WDFY3: variants seen among roughly 807,000 people sequenced by gnomAD.
The protein encoded by WDFY3 is WD repeat and FYVE domain-containing protein 3.
A neutral mutation model predicts 409.6 loss-of-function variants in WDFY3; 66 were observed. The ratio of observed to expected loss-of-function variants is 0.16; its 90% CI spans 0.13 to 0.20. The LOEUF is 0.20. Ranked by LOEUF, WDFY3 falls within the 10% of genes least tolerant of loss-of-function variation. The pLI is 1.00. For synonymous variants in WDFY3, 1,521 were observed against 1,537.1 expected, an observed-to-expected ratio of 0.99 and a Z score of 0.25; for missense variants, 3,031 against 4,298.1, an observed-to-expected ratio of 0.71 and a Z score of 8.24.
chr4:84,905,468 A>G (rs1766919696), intron 2 of WDFY3, among the ~76,000 whole-genome samples: 1 of 152,032 alleles, frequency 6.6e-6, no homozygotes, highest in Admixed American at 6.6e-5. Context: ...CTCCTCCCCC[A>G]CACTCTTCAT....
At chr4:84,744,849 T>C (rs1739114870) in intron 36 of WDFY3, among the ~76,000 whole-genome samples, 1 of 81,022 alleles carries the variant, frequency 1.2e-5, no homozygotes, top group African/African-American at 5.4e-5. Flanking sequence ...CGAGACTCCG[T>C]CTCAAAAAAA....
intron 2 of WDFY3, among the ~76,000 whole-genome samples, chr4:84,924,224 T>C (rs1338517178): frequency 1.3e-5 from 2 of 152,246 alleles, no homozygotes; most frequent in Non-Finnish European, 2.9e-5. Flanking sequence ...AGCAGATTTC[T>C]GAAAAGTTAT....
chr4:84,818,945 C>A (rs1578665552), intron 12 of WDFY3, among the ~76,000 whole-genome samples: 1 of 152,192 alleles, frequency 6.6e-6, no homozygotes, highest in East Asian at 1.9e-4. Flanking sequence ...ATTTGCTAAG[C>A]AAATTCCTGT....
intron 1 of WDFY3, among the ~76,000 whole-genome samples, chr4:84,954,549 GA>G (rs1306792992): frequency 6.6e-6 from 1 of 152,058 alleles, no homozygotes; most frequent in African/African-American, 2.4e-5. Context: ...ACAGAAAAAA[GA>G]AACATAATAA....
intron 50 of WDFY3, among the ~76,000 whole-genome samples, chr4:84,713,518 G>A (rs1560579922): frequency 6.6e-6 from 1 of 152,182 alleles, no homozygotes; most frequent in Non-Finnish European, 1.5e-5. Flanking sequence ...TGTGAAAGGA[G>A]TTTTGGGTTA....
intron 30 of WDFY3, among the ~76,000 whole-genome samples, chr4:84,767,698 T>C (rs1743922811): frequency 6.6e-6 from 1 of 151,894 alleles, no homozygotes; most frequent in Non-Finnish European, 1.5e-5. Context: ...GACTAAATCA[T>C]CTACAACATT....
chr4:84,731,619 G>A (rs1424583564), intron 44 of WDFY3, among the ~76,000 whole-genome samples: 2 of 152,144 alleles, frequency 1.3e-5, no homozygotes, highest in South Asian at 2.1e-4. Flanking sequence ...ATTTATGAGC[G>A]TGTCTGTTTC....
intron 3 of WDFY3, among the ~76,000 whole-genome samples, chr4:84,874,864 C>T (rs1762559956): frequency 1.3e-5 from 2 of 152,100 alleles, no homozygotes; most frequent in Non-Finnish European, 1.5e-5. Flanking sequence ...CATACAAAAA[C>T]CTAGATGGTT....
chr4:84,716,482 T>C (rs2015631), intron 49 of WDFY3, among the ~76,000 whole-genome samples: 27,292 of 144,916 alleles, frequency 0.19, 4,394 homozygotes, highest in African/African-American at 0.44. Flanking sequence ...AGGGTTTCCA[T>C]GGCATGTATC....
chr4:84,683,912 T>A, intron 63 of WDFY3, 31 bp downstream of exon 63: 1 of 1,553,858 alleles, frequency 6.4e-7, no homozygotes. Context: ...ATGACAAATA[T>A]CCTAATGAGT....
At chr4:84,821,947 C>T (rs1754132541) in intron 10 of WDFY3, among the ~76,000 whole-genome samples, 2 of 152,122 alleles carry the variant, frequency 1.3e-5, no homozygotes, top group South Asian at 4.1e-4. Context: ...GAAGAAGTTA[C>T]AGGCCTGAGA....
chr4:84,943,420 C>T (rs900347516), intron 1 of WDFY3, among the ~76,000 whole-genome samples: 6 of 151,862 alleles, frequency 4.0e-5, no homozygotes, highest in Non-Finnish European at 5.9e-5. Context: ...AGGAGAATGG[C>T]GTGAACCAGG....
At position 84,775,124 on chromosome 4, in the gene WDFY3, T is replaced by A; in HGVS notation, c.4533A>T (p.Ala1511=). 1 of 1,613,294 alleles carries A rather than the reference T, an allele frequency of 6.2e-7. No individual in the cohort carries two copies. The highest frequency in any genetic ancestry group is 8.5e-7 in the Non-Finnish European group (1 of 1,179,832). The change falls in exon 28 of 68, where the codon GCA becomes GCT. Residue 1511 remains alanine (A), a synonymous_variant. Coordinates refer to ENST00000295888, the MANE Select transcript of WDFY3 (RefSeq NM_014991.6). ...ATAAGGAAAGATGAAGTTCATATGG[T>A]GCATGGAGCCAGACCTATAATAAAT... ...LLCDFEVWLH[A]PYELHLSLFE... is the part of the protein sequence containing the mutation.
In WDFY3 at chr4:84,798,213, C is replaced by T; in HGVS notation, c.2823-105G>A. ...TTAATAAATTCCAACAGACTAATTA[C>T]AATAAAAAAATGCAAAGTATAATAA... On this transcript the variant is annotated intron_variant, in intron 17 of 67. Transcript: ENST00000295888. 3.0e-6 allele frequency: 3 copies of T among 999,498 alleles called. No homozygotes were observed. The South Asian group carries it at 5.2e-5, about 17-fold the overall frequency. 61.9% of individuals were successfully genotyped at this position (999,498 alleles called of 1,614,324 possible).
In WDFY3 at chr4:84,669,826, T is replaced by C. The variant is rs1456526993; in HGVS notation, c.*3042A>G. ...TATCTTCAATTTACTTCTGTTGCTGTACAAATAATTGGCCATTACTAGGGC... is the reference window on the plus strand; with the variant it reads ...TATCTTCAATTTACTTCTGTTGCTGCACAAATAATTGGCCATTACTAGGGC... On this transcript the variant is annotated 3_prime_UTR_variant, in exon 68 of 68. Coordinates refer to ENST00000295888, the MANE Select transcript of WDFY3 (RefSeq NM_014991.6). The C allele has an allele frequency of 6.6e-6, 1 of 151,948 alleles. No homozygotes were observed. Among genetic ancestry groups the C allele is most frequent in the Non-Finnish European group, 1.5e-5 (1 of 67,956 alleles). The allele number at this position is 151,948 out of a possible 1,614,324, so 9.4% of individuals were successfully genotyped here. A position where few individuals can be genotyped will look rare whatever the true frequency, so the allele number is the denominator to read the frequency against.
At chr4:84,880,704 TATATATATATATATATATATATG>T (rs1359819080) in intron 3 of WDFY3, among the ~76,000 whole-genome samples, 4 of 109,866 alleles carry the variant, frequency 3.6e-5, no homozygotes. Flanking sequence ...TATATATATA[TATATATATATATATATATATATG>T]TTTTTTTGGA....
intron 1 of WDFY3, among the ~76,000 whole-genome samples, chr4:84,948,044 A>G (rs1236128510): frequency 6.6e-6 from 1 of 152,206 alleles, no homozygotes; most frequent in Non-Finnish European, 1.5e-5. Flanking sequence ...AGTAAGTGTC[A>G]ACTGACTGCA....
At chr4:84,770,268 T>C (rs1744434291) in intron 30 of WDFY3, among the ~76,000 whole-genome samples, 1 of 152,032 alleles carries the variant, frequency 6.6e-6, no homozygotes, top group Admixed American at 6.6e-5. Context: ...GACCTCATGA[T>C]CCGCCCTCCT....
At chr4:84,857,445 C>CTAAACATTCTCATTACCTTG (rs1184321609) in intron 4 of WDFY3, among the ~76,000 whole-genome samples, 2 of 152,148 alleles carry the variant, frequency 1.3e-5, no homozygotes, top group Non-Finnish European at 2.9e-5. Context: ...CCTAACTGCT[C>CTAAACATTCTCATTACCTTG]TAAACATTCT....
Sources: allele counts gnomAD v4.1 joint callset (sites outside exome capture counted in the v4.1 genomes callset), GRCh38; gene constraint gnomAD v4.1.1; transcripts MANE v1.5; gene names NCBI Gene and HGNC (gene_info 2026-07-23, HGNC 2026-07-21).